Variants in C8A observed in about 807,000 individuals in gnomAD.
C8A encodes complement component C8 alpha chain.
C8A carries 67 observed loss-of-function variants against 65.3 expected under a neutral mutation model. The ratio of observed to expected loss-of-function variants is 1.03; its 90% CI spans 0.84 to 1.26. The LOEUF (loss-of-function observed/expected upper bound fraction) is 1.26, where lower values mean the gene tolerates loss of function less well. C8A is among the 50% of genes most tolerant of loss of function. The pLI is 0.00. For missense variants in C8A, 781 were observed against 723.9 expected (o/e 1.08, Z -0.90); for synonymous variants, 290 against 259.4 (o/e 1.12, Z -1.13).
chr1:56,868,583 A>C (rs1644114111), intron 2 of C8A, among the ~76,000 whole-genome samples: 2 of 152,014 alleles, frequency 1.3e-5, no homozygotes, highest in South Asian at 4.2e-4. Context: ...GTGCCACTGC[A>C]CTCCAGCTTA....
chr1:56,876,262 C>A, intron 4 of C8A, 53 bp downstream of exon 4: 2 of 1,608,040 alleles, frequency 1.2e-6, no homozygotes, highest in African/African-American at 1.3e-5. Flanking sequence ...TGTCTTCAAT[C>A]GTGAGCATTA....
chr1:56,907,089 T>G (rs1216047774), intron 8 of C8A, among the ~76,000 whole-genome samples: 1 of 152,188 alleles, frequency 6.6e-6, no homozygotes, highest in African/African-American at 2.4e-5. Context: ...ATGGGCTGTT[T>G]GAATGAAGAC....
rs559111946 is a variant in C8A, at chr1:56,912,515, G to A, written c.1493G>A (p.Arg498Gln). 1.9e-5 allele frequency: 30 copies of A among 1,614,208 alleles called. No individual in the cohort carries two copies. The highest frequency in any genetic ancestry group is 1.6e-4 in the Middle Eastern group (1 of 6,062). ...DQYLMEFNAC[R>Q]CGPCFNNGVP... Reference sequence around the variant, plus strand: ...TATCTGATGGAATTCAATGCCTGCCGATGTGGGCCTTGCTTCAACAATGGG... The same window carrying A: ...TATCTGATGGAATTCAATGCCTGCCAATGTGGGCCTTGCTTCAACAATGGG... Residue 498 changes from arginine to glutamine, a missense_variant, in exon 10 of 11, where the codon CGA becomes CAA. Arg to Gln is a conservative substitution (Grantham distance 43, BLOSUM62 1). Transcript: ENST00000361249.
chr1:56,907,094 G>A (rs909049522), intron 8 of C8A, among the ~76,000 whole-genome samples: 2 of 152,186 alleles, frequency 1.3e-5, no homozygotes, highest in African/African-American at 4.8e-5. Flanking sequence ...CTGTTTGAAT[G>A]AAGACCCATC....
intron 7 of C8A, among the ~76,000 whole-genome samples, chr1:56,895,146 G>T (rs1557710239): frequency 6.6e-6 from 1 of 152,098 alleles, no homozygotes; most frequent in South Asian, 2.1e-4. Context: ...TTCTGATTTA[G>T]ATTTTGTATA....
At chr1:56,879,838 T>C (rs1401693740) in intron 4 of C8A, among the ~76,000 whole-genome samples, 1 of 152,212 alleles carries the variant, frequency 6.6e-6, no homozygotes, top group African/African-American at 2.4e-5. Flanking sequence ...CCAGGTGCTC[T>C]ATAATTATCC....
In C8A at chr1:56,875,051, AG is replaced by A; in HGVS notation, c.276del (p.Arg92SerfsTer18). 1 of 1,613,766 alleles carries A rather than the reference AG, an allele frequency of 6.2e-7. No individual in the cohort carries two copies. The highest frequency in any genetic ancestry group is 1.7e-5 in the Admixed American group (1 of 59,984). On this transcript the variant is annotated frameshift_variant, in exon 3 of 11. Coordinates refer to ENST00000361249, the MANE Select transcript of C8A (RefSeq NM_000562.3). LOFTEE classifies it high-confidence loss of function. ...ASCSSSTTCV[R>X]QAQCGQDFQC... ...CTGCTCCAGTTCTACAACTTGTGTA[AG>A]GCAAGCACAGTGTGGACAGGATTTC... is the stretch of plus-strand genomic sequence containing the variant.
At chr1:56,886,586 C>A (rs1016476958) in intron 7 of C8A, among the ~76,000 whole-genome samples, 1 of 152,130 alleles carries the variant, frequency 6.6e-6, no homozygotes. Context: ...TCCGGTAGAT[C>A]TCTAAGGTGC....
rs889374831 is a variant in C8A, at chr1:56,886,578, C to T, written c.1096+411C>T. Among the ~76,000 whole-genome samples the T allele has an allele frequency of 5.3e-5, 8 of 152,100 alleles. No individual in the cohort carries two copies. The South Asian group carries it at 6.2e-4, about 12-fold the overall frequency. On this transcript the variant is annotated intron_variant, in intron 7 of 10. Coordinates refer to ENST00000361249, the MANE Select transcript of C8A (RefSeq NM_000562.3). The stretch of plus-strand genomic sequence containing the variant: ...TCAGACTCCTCCTTCTCCTTCACTC[C>T]GGTAGATCTCTAAGGTGCTTCAGTT...
intron 1 of C8A, among the ~76,000 whole-genome samples, chr1:56,865,454 G>C (rs374544356): frequency 6.6e-6 from 1 of 152,254 alleles, no homozygotes; most frequent in East Asian, 1.9e-4. Context: ...TTTAATGAGG[G>C]CACTAATTCC....
chr1:56,881,620 A>G lies in C8A; in HGVS notation c.640A>G (p.Lys214Glu). The change falls in exon 5 of 11, where the codon AAG becomes GAG. Residue 214 changes from lysine (K) to glutamate (E), a missense_variant. Physicochemically the swap from Lys to Glu is moderately conservative, Grantham distance 56 (BLOSUM62 1). Transcript: ENST00000361249. ...CTTTCGGAAACCCTACAACTTTCTG[A>G]AGTACCACTTTGAAGTAAGTCTGAA... ...KYFRKPYNFL[K>E]YHFEALADTG... 6.2e-7 allele frequency: 1 copy of G among 1,613,180 alleles called. No homozygotes were observed. The highest frequency in any genetic ancestry group is 8.5e-7 in the Non-Finnish European group (1 of 1,179,696).
At chr1:56,866,048 T>C (rs1644084905) in intron 1 of C8A, among the ~76,000 whole-genome samples, 1 of 152,200 alleles carries the variant, frequency 6.6e-6, no homozygotes, top group African/African-American at 2.4e-5. Flanking sequence ...TGTAAGAAAT[T>C]GCCACTTGTC....
At chr1:56,862,493 T>C (rs2101190352) in intron 1 of C8A, among the ~76,000 whole-genome samples, 1 of 152,302 alleles carries the variant, frequency 6.6e-6, no homozygotes, top group East Asian at 1.9e-4. Context: ...CAATATGGTG[T>C]ATGCAGTTCA....
intron 4 of C8A, among the ~76,000 whole-genome samples, chr1:56,880,484 A>C (rs956343754): frequency 6.6e-6 from 1 of 152,134 alleles, no homozygotes; most frequent in Admixed American, 6.5e-5. Flanking sequence ...AAATGCAGAG[A>C]GCTTCTAGAC....
chr1:56,875,672 T>G (rs190576664), intron 3 of C8A, among the ~76,000 whole-genome samples: 1 of 152,140 alleles, frequency 6.6e-6, no homozygotes, highest in African/African-American at 2.4e-5. Context: ...CCAGAATGTT[T>G]GCAGCATCAG....
In C8A at chr1:56,888,398, T is replaced by C. The variant is rs568925409; in HGVS notation, c.1096+2231T>C. ...TTATGTGTTTGTGCTAGGGATATGA[T>C]GGTGAACAAATCTAAATATGGTTCC... On this transcript the variant is annotated intron_variant, in intron 7 of 10. Transcript: ENST00000361249. 3.9e-5 allele frequency among the ~76,000 whole-genome samples: 6 copies of C among 152,324 alleles called. No individual in the cohort carries two copies. The East Asian group carries it at 7.7e-4, about 20-fold the overall frequency.
At chr1:56,891,146 T>C (rs932582872) in intron 7 of C8A, among the ~76,000 whole-genome samples, 2 of 152,112 alleles carry the variant, frequency 1.3e-5, no homozygotes, top group Admixed American at 1.3e-4. Flanking sequence ...TCTGGGAATG[T>C]CTGTTTGAGG....
At chr1:56,892,605 A>G (rs149604186) in intron 7 of C8A, among the ~76,000 whole-genome samples, 239 of 151,842 alleles carry the variant, frequency 1.6e-3, no homozygotes, top group African/African-American at 5.7e-3. Flanking sequence ...TCCCGATTCT[A>G]CTGATGACCA....
intron 4 of C8A, 68 bp downstream of exon 4, chr1:56,876,277 T>G: frequency 6.2e-7 from 1 of 1,601,262 alleles, no homozygotes; most frequent in South Asian, 1.1e-5. Flanking sequence ...GCATTAGTTT[T>G]GAGGACAGAA....
Sources: allele counts gnomAD v4.1 joint callset (sites outside exome capture counted in the v4.1 genomes callset), GRCh38; gene constraint gnomAD v4.1.1; transcripts MANE v1.5; gene names NCBI Gene and HGNC (gene_info 2026-07-23, HGNC 2026-07-21).